The following DLEU7 variants were observed in gnomAD, a reference collection of about 807,000 sequenced individuals.
DLEU7 encodes deleted in lymphocytic leukemia 7.
A neutral mutation model predicts 16.0 loss-of-function variants in DLEU7; 17 were observed. The ratio of observed to expected loss-of-function variants is 1.06; its 90% CI spans 0.73 to 1.59. DLEU7 has a LOEUF of 1.59. Ranked by LOEUF, DLEU7 falls within the 40% of genes most tolerant of loss-of-function variation. DLEU7 has a pLI of 0.00. For synonymous variants in DLEU7, 113 were observed against 139.8 expected (o/e 0.81, Z 1.35); for missense variants, 308 against 314.9 (o/e 0.98, Z 0.17).
chr13:50,743,203 T>A (rs1000621595), intron 1 of DLEU7, among the ~76,000 whole-genome samples: 10 of 152,028 alleles, frequency 6.6e-5, no homozygotes, highest in East Asian at 1.9e-4. Context: ...GCAGGCAGGC[T>A]GGCTGGCTGG....
chr13:50,728,196 T>C (rs1442475048), intron 1 of DLEU7, among the ~76,000 whole-genome samples: 1 of 152,060 alleles, frequency 6.6e-6, no homozygotes, highest in African/African-American at 2.4e-5. Context: ...TCACATGAGG[T>C]TGGGCTTTGG....
chr13:50,837,641 A>G (rs1019815064), intron 1 of DLEU7, among the ~76,000 whole-genome samples: 5 of 152,172 alleles, frequency 3.3e-5, no homozygotes, highest in African/African-American at 9.7e-5. Flanking sequence ...TATGTCTTCA[A>G]TAGTATGTTA....
rs913564159 is a variant in DLEU7, at chr13:50,713,014, G to A, written c.*203C>T. The A allele has an allele frequency of 7.4e-5, 42 of 566,262 alleles. 1 individual carries two copies. Among genetic ancestry groups the A allele is most frequent in the Admixed American group, 5.4e-4 (17 of 31,634 alleles). 35.1% of individuals were successfully genotyped at this position (566,262 alleles called of 1,614,324 possible). ...TAAAGAAAGCAGGATGATTTGTGGC[G>A]CGTTCCAATCGGAGGTAATAAGAAG... On this transcript the variant is annotated 3_prime_UTR_variant, in exon 2 of 2. Coordinates refer to the DLEU7 transcript ENST00000400393.
intron 1 of DLEU7, among the ~76,000 whole-genome samples, chr13:50,826,462 A>G (rs1330224558): frequency 6.6e-6 from 1 of 152,218 alleles, no homozygotes; most frequent in Non-Finnish European, 1.5e-5. Context: ...ATATAAAGTG[A>G]GGATGAGGAA....
intron 1 of DLEU7, among the ~76,000 whole-genome samples, chr13:50,758,499 T>C (rs924230484): frequency 1.3e-5 from 2 of 152,214 alleles, no homozygotes; most frequent in Non-Finnish European, 2.9e-5. Flanking sequence ...CCAGTATTTC[T>C]CAGCTGGGTG....
At chr13:50,762,034 C>CA (rs998307930) in intron 1 of DLEU7, among the ~76,000 whole-genome samples, 35 of 150,674 alleles carry the variant, frequency 2.3e-4, no homozygotes, top group Non-Finnish European at 3.3e-4. Flanking sequence ...ACTAAAAATA[C>CA]AAAAAAAATT....
chr13:50,765,543 A>G (rs1272585583), intron 1 of DLEU7, among the ~76,000 whole-genome samples: 1 of 152,142 alleles, frequency 6.6e-6, no homozygotes, highest in Non-Finnish European at 1.5e-5. Context: ...TCTTCTGGCA[A>G]TAATCAGGCC....
At chr13:50,750,628 C>T (rs574415852) in intron 1 of DLEU7, among the ~76,000 whole-genome samples, 90 of 152,158 alleles carry the variant, frequency 5.9e-4, no homozygotes, top group Non-Finnish European at 1.3e-3. Context: ...TTGTAGTTTT[C>T]CTTGTAGCGG....
chr13:50,826,804 A>T (rs771676413), intron 1 of DLEU7, among the ~76,000 whole-genome samples: 1 of 152,230 alleles, frequency 6.6e-6, no homozygotes, highest in Non-Finnish European at 1.5e-5. Context: ...GATGGACTTC[A>T]ACGAATGACA....
At chr13:50,733,099 A>C (rs1367137372) in intron 1 of DLEU7, among the ~76,000 whole-genome samples, 1 of 152,208 alleles carries the variant, frequency 6.6e-6, no homozygotes, top group African/African-American at 2.4e-5. Context: ...AGATCTCAAC[A>C]GCATGCCATT....
chr13:50,816,715 T>G (rs912398267), intron 1 of DLEU7, among the ~76,000 whole-genome samples: 2 of 152,062 alleles, frequency 1.3e-5, no homozygotes, highest in Non-Finnish European at 2.9e-5. Context: ...GAACTATATT[T>G]TTTCATATGG....
At chr13:50,800,476 A>G (rs1044183570) in intron 1 of DLEU7, among the ~76,000 whole-genome samples, 1 of 152,130 alleles carries the variant, frequency 6.6e-6, no homozygotes, top group Non-Finnish European at 1.5e-5. Flanking sequence ...CTCACTGAGG[A>G]TAATTTTAAG....
chr13:50,725,681 G>C (rs1352540689), intron 1 of DLEU7, among the ~76,000 whole-genome samples: 1 of 152,168 alleles, frequency 6.6e-6, no homozygotes, highest in Non-Finnish European at 1.5e-5. Flanking sequence ...AGGAGCGGGG[G>C]CATGGGAGGG....
At chr13:50,750,818 A>C (rs1874540769) in intron 1 of DLEU7, among the ~76,000 whole-genome samples, 1 of 152,170 alleles carries the variant, frequency 6.6e-6, no homozygotes, top group Admixed American at 6.5e-5. Context: ...CTGAATTATC[A>C]GTTCTAGGAG....
chr13:50,728,891 A>G (rs908941652), intron 1 of DLEU7, among the ~76,000 whole-genome samples: 1 of 152,102 alleles, frequency 6.6e-6, no homozygotes, highest in Non-Finnish European at 1.5e-5. Flanking sequence ...GTATTCCTTT[A>G]CCACTGTCTC....
chr13:50,774,069 G>A (rs139595564), intron 1 of DLEU7, among the ~76,000 whole-genome samples: 1,753 of 152,294 alleles, frequency 0.012, 29 homozygotes, highest in African/African-American at 0.039. Flanking sequence ...GGAACCCACC[G>A]AGCCAGGCGC....
At chr13:50,783,695 T>C (rs1366148210) in intron 1 of DLEU7, among the ~76,000 whole-genome samples, 1 of 152,182 alleles carries the variant, frequency 6.6e-6, no homozygotes, top group Non-Finnish European at 1.5e-5. Context: ...GTAGCAGGAA[T>C]GTAAAACATA....
At chr13:50,741,486 AG>A (rs556982526) in intron 1 of DLEU7, among the ~76,000 whole-genome samples, 72 of 152,298 alleles carry the variant, frequency 4.7e-4, no homozygotes, top group Non-Finnish European at 7.6e-4. Flanking sequence ...TACTCTGACC[AG>A]GGGAGTTCTT....
At chr13:50,762,006 T>C (rs899581795) in intron 1 of DLEU7, among the ~76,000 whole-genome samples, 1 of 151,786 alleles carries the variant, frequency 6.6e-6, no homozygotes, top group Non-Finnish European at 1.5e-5. Flanking sequence ...CTGGCCAAGA[T>C]GGTGAAACCC....
Sources: gnomAD v4.1 joint callset for allele counts (sites outside exome capture counted in the v4.1 genomes callset) on GRCh38, gnomAD v4.1.1 for gene constraint, MANE v1.5 for transcripts, NCBI Gene and HGNC (gene_info 2026-07-23, HGNC 2026-07-21) for gene names.